PRKN: variants seen among roughly 807,000 people sequenced by gnomAD.
PRKN encodes the protein parkin RBR E3 ubiquitin protein ligase.
In PRKN, 56 loss-of-function variants were observed where a neutral mutation model predicts 59.5. That is an observed-to-expected ratio of 0.94 (90% CI 0.76 to 1.18). PRKN has a LOEUF of 1.18. Ranked by LOEUF, PRKN falls within the 50% of genes most tolerant of loss-of-function variation. The pLI is 0.00. For synonymous variants in PRKN, 250 were observed against 222.1 expected (o/e 1.13, Z -1.12); for missense variants, 657 against 596.4 (o/e 1.10, Z -1.06).
intron 2 of PRKN, among the ~76,000 whole-genome samples, chr6:162,365,775 C>T (rs909192506): frequency 4.6e-5 from 7 of 152,138 alleles, no homozygotes; most frequent in East Asian, 1.9e-4. Flanking sequence ...TTCTGTACAG[C>T]ACCCATCACC....
At chr6:161,838,910 G>A (rs1008073292) in intron 6 of PRKN, among the ~76,000 whole-genome samples, 2 of 152,178 alleles carry the variant, frequency 1.3e-5, no homozygotes, top group Non-Finnish European at 1.5e-5. Context: ...CTAGAGCTCA[G>A]GGAGTCCCAT....
At chr6:162,073,806 G>A (rs1005631570) in intron 4 of PRKN, among the ~76,000 whole-genome samples, 8 of 152,116 alleles carry the variant, frequency 5.3e-5, no homozygotes, top group African/African-American at 1.9e-4. Flanking sequence ...ATACAAAAAC[G>A]TGTTTGGTAT....
At position 162,188,658 on chromosome 6, in the gene PRKN, T is replaced by C. The variant is rs375710558; in HGVS notation, c.534+12473A>G. ...AAACTTCTTTGAGGCAGGAGAATAC[T>C]CTGTCCCTTTTTAATGCTTGAATCG... On this transcript the variant is annotated intron_variant, in intron 4 of 11. Transcript: ENST00000366898. Among the ~76,000 whole-genome samples, 12 of 152,228 alleles carry C rather than the reference T, an allele frequency of 7.9e-5. 1 individual carries two copies. In the South Asian group the frequency reaches 2.5e-3, roughly 32 times the overall value.
At chr6:162,400,920 G>T (rs779195061) in intron 2 of PRKN, among the ~76,000 whole-genome samples, 1 of 151,926 alleles carries the variant, frequency 6.6e-6, no homozygotes, top group Non-Finnish European at 1.5e-5. Context: ...CAAAAATAAC[G>T]TGTTATTAAT....
chr6:162,702,207 T>C (rs1380430541), intron 1 of PRKN, among the ~76,000 whole-genome samples: 1 of 152,160 alleles, frequency 6.6e-6, no homozygotes, highest in Non-Finnish European at 1.5e-5. Context: ...TATTGCAAAC[T>C]TGGCAGGATG....
chr6:161,806,227 G>A (rs1791313933), intron 6 of PRKN, among the ~76,000 whole-genome samples: 1 of 152,176 alleles, frequency 6.6e-6, no homozygotes, highest in African/African-American at 2.4e-5. Context: ...AGACACCAAA[G>A]TAGTGAAGCA....
In PRKN at chr6:161,442,827, C is replaced by T. The variant is rs1789303145; in HGVS notation, c.1084-55950G>A. 6.6e-6 allele frequency among the ~76,000 whole-genome samples: 1 copy of T among 152,138 alleles called. No homozygotes were observed. Among genetic ancestry groups the T allele is most frequent in the African/African-American group, 2.4e-5 (1 of 41,412 alleles). ...TTCTCTTCCCTTTCATTTTGGACAT[C>T]GTAACAACTAAACATAACATTTATA... On this transcript the variant is annotated intron_variant, in intron 9 of 11. Coordinates refer to ENST00000366898, the MANE Select transcript of PRKN (RefSeq NM_004562.3). This position sits in a 1 kb window ranked among gnomAD's most constrained non-coding sequence, Gnocchi z 4.6.
intron 1 of PRKN, among the ~76,000 whole-genome samples, chr6:162,591,549 T>G (rs1781308665): frequency 1.3e-5 from 2 of 152,112 alleles, no homozygotes; most frequent in African/African-American, 4.8e-5. Flanking sequence ...AAAAGGAACA[T>G]TTAAATGGAC....
intron 5 of PRKN, among the ~76,000 whole-genome samples, chr6:162,010,537 A>T (rs563092526): frequency 0.02 from 329 of 16,486 alleles, 121 homozygotes; most frequent in African/African-American, 0.19. Flanking sequence ...TATATTATAT[A>T]ATGTATTATA....
chr6:161,672,060 C>G (rs992184499), intron 7 of PRKN, among the ~76,000 whole-genome samples: 13 of 152,168 alleles, frequency 8.5e-5, no homozygotes, highest in African/African-American at 3.1e-4. Context: ...TCATGCCAAG[C>G]TGAGTTCAAC....
At chr6:162,701,348 T>A (rs1275899709) in intron 1 of PRKN, among the ~76,000 whole-genome samples, 1 of 152,028 alleles carries the variant, frequency 6.6e-6, no homozygotes. Context: ...AGAATTAAAA[T>A]TAAATTAATT....
In PRKN at chr6:162,254,130, C is replaced by T. The variant is rs548907637; in HGVS notation, c.412+8395G>A. Among the ~76,000 whole-genome samples, 13 of 152,192 alleles carry T rather than the reference C, an allele frequency of 8.5e-5. No homozygotes were observed. The South Asian group carries it at 2.5e-3, about 29-fold the overall frequency. On this transcript the variant is annotated intron_variant, in intron 3 of 11. Coordinates refer to ENST00000366898, the MANE Select transcript of PRKN (RefSeq NM_004562.3). ...GCAGCTAAGGAAGGACCGTCTTTGACTAGGTAAAGATCCATGTATTTGAAT... is the reference window on the plus strand; with the variant it reads ...GCAGCTAAGGAAGGACCGTCTTTGATTAGGTAAAGATCCATGTATTTGAAT...
At chr6:162,515,344 G>C (rs1777801661) in intron 1 of PRKN, among the ~76,000 whole-genome samples, 1 of 152,096 alleles carries the variant, frequency 6.6e-6, no homozygotes, top group Non-Finnish European at 1.5e-5. Flanking sequence ...CAGCCTTCCA[G>C]AGTGGTGGGA....
chr6:162,355,561 A>G (rs1784820528), intron 2 of PRKN, among the ~76,000 whole-genome samples: 1 of 152,080 alleles, frequency 6.6e-6, no homozygotes, highest in African/African-American at 2.4e-5. Flanking sequence ...AAGTACTGAA[A>G]CAAAAACCAT....
rs572447056 is a variant in PRKN at position 162,668,503 on chromosome 6, C to T, written c.7+59159G>A. Among the ~76,000 whole-genome samples, 102 of 149,454 alleles carry T rather than the reference C, an allele frequency of 6.8e-4. No homozygotes were observed. In the East Asian group the frequency reaches 1.0e-2, roughly 15 times the overall value. On this transcript the variant is annotated intron_variant, in intron 1 of 11. Coordinates refer to ENST00000366898, the MANE Select transcript of PRKN (RefSeq NM_004562.3). Reference sequence around the variant, plus strand: ...AGAGAATGCCAGAGACGGGGAAAAACTGACAGGGTAAGAGATGAGACGATG... The same window carrying T: ...AGAGAATGCCAGAGACGGGGAAAAATTGACAGGGTAAGAGATGAGACGATG...
In PRKN at chr6:162,243,153, T is replaced by C. The variant is rs943340140; in HGVS notation, c.412+19372A>G. On this transcript the variant is annotated intron_variant, in intron 3 of 11. Transcript: ENST00000366898. ...CGCAATAAATTACCAGTGTGTGTTC[T>C]GTTTTCTTGAGATGGGCTCAATTTA... 5.7e-4 allele frequency among the ~76,000 whole-genome samples: 86 copies of C among 152,150 alleles called. 2 individuals are homozygous for C. The highest frequency in any genetic ancestry group is 2.9e-5 in the Non-Finnish European group (2 of 67,998).
chr6:161,433,238 T>C (rs1252611960), intron 9 of PRKN, among the ~76,000 whole-genome samples: 1 of 152,188 alleles, frequency 6.6e-6, no homozygotes, highest in East Asian at 1.9e-4. Flanking sequence ...ATGGAAGAAA[T>C]TCATATTGAG....
rs559250333 is a variant in PRKN at position 161,438,244 on chromosome 6, A to C, written c.1084-51367T>G. Among the ~76,000 whole-genome samples the C allele has an allele frequency of 1.0e-4, 13 of 125,402 alleles. No homozygotes were observed. The East Asian group carries it at 2.3e-3, about 23-fold the overall frequency. 82.3% of individuals were successfully genotyped at this position (125,402 alleles called of 152,430 possible). ...TTTTTTTTTTTTTTTTTTGAGACAG[A>C]GTCTTGCTCTGTCTCCAGGCTGGAT... On this transcript the variant is annotated intron_variant, in intron 9 of 11. Coordinates refer to ENST00000366898, the MANE Select transcript of PRKN (RefSeq NM_004562.3).
chr6:162,356,522 T>G (rs1326003896), intron 2 of PRKN, among the ~76,000 whole-genome samples: 2 of 147,532 alleles, frequency 1.4e-5, no homozygotes, highest in Non-Finnish European at 3.0e-5. Flanking sequence ...AGAAATAATC[T>G]AATATATAAT....
Sources: gnomAD v4.1 joint callset for allele counts (sites outside exome capture counted in the v4.1 genomes callset) on GRCh38, gnomAD v4.1.1 for gene constraint, Gnocchi (gnomAD v3.1) non-coding constraint, MANE v1.5 for transcripts, NCBI Gene and HGNC (gene_info 2026-07-23, HGNC 2026-07-21) for gene names.